SEMA3C: variants seen among roughly 807,000 people sequenced by gnomAD.
SEMA3C encodes the protein semaphorin 3C, also known as semaphorin-3C.
A neutral mutation model predicts 89.4 loss-of-function variants in SEMA3C; 47 were observed. The ratio of observed to expected loss-of-function variants is 0.53; its 90% CI spans 0.42 to 0.67. SEMA3C has a LOEUF of 0.67. Among genes scored for constraint, SEMA3C ranks in the 30% least tolerant of loss-of-function variants. SEMA3C has a pLI of 0.00. For missense variants in SEMA3C, 839 were observed against 929.1 expected (o/e 0.90, Z 1.26); for synonymous variants, 310 against 320.2 (o/e 0.97, Z 0.34).
At chr7:80,787,390 T>TA (rs1179102219) in intron 12 of SEMA3C, among the ~76,000 whole-genome samples, 2,668 of 99,790 alleles carry the variant, frequency 0.027, 62 homozygotes, top group African/African-American at 0.055. Context: ...AGACTCCGTT[T>TA]AAAAAAAAAA....
chr7:80,844,443 T>C (rs1180671903), intron 2 of SEMA3C, among the ~76,000 whole-genome samples: 1 of 152,144 alleles, frequency 6.6e-6, no homozygotes, highest in Non-Finnish European at 1.5e-5. Context: ...GGCCCTGAGC[T>C]TGACACTTAC....
At chr7:80,872,152 TTTG>T (rs1345700057) in intron 2 of SEMA3C, among the ~76,000 whole-genome samples, 2 of 151,910 alleles carry the variant, frequency 1.3e-5, no homozygotes, top group Admixed American at 6.6e-5. Context: ...AGAATCTCCT[TTTG>T]TTGTTGTTGT....
intron 2 of SEMA3C, among the ~76,000 whole-genome samples, chr7:80,894,910 T>TA (rs1426041394): frequency 1.3e-5 from 2 of 152,198 alleles, no homozygotes; most frequent in Non-Finnish European, 2.9e-5. Context: ...CGCTGCCTAG[T>TA]AGCCAAGATT....
At chr7:80,911,620 T>TC in intron 2 of SEMA3C, among the ~76,000 whole-genome samples, 1 of 151,792 alleles carries the variant, frequency 6.6e-6, no homozygotes, top group East Asian at 1.9e-4. Context: ...TAGGACCTTT[T>TC]TTTTTTTTTT....
chr7:80,872,049 G>A (rs1404174245), intron 2 of SEMA3C, among the ~76,000 whole-genome samples: 1 of 152,130 alleles, frequency 6.6e-6, no homozygotes, highest in Admixed American at 6.5e-5. Context: ...TGCATGATCA[G>A]TTTCATATTC....
chr7:80,861,141 G>T (rs910339894), intron 2 of SEMA3C, among the ~76,000 whole-genome samples: 1 of 151,756 alleles, frequency 6.6e-6, no homozygotes, highest in Non-Finnish European at 1.5e-5. Flanking sequence ...AGTATAAAAC[G>T]CATGAAAAAA....
chr7:80,754,957 G>GTTTTTTTTTTGTTTTTTTTTGTT (rs1449995090), intron 15 of SEMA3C, among the ~76,000 whole-genome samples: 1 of 108,382 alleles, frequency 9.2e-6, no homozygotes, highest in African/African-American at 3.5e-5. Flanking sequence ...GTTTTTTTTT[G>GTTTTTTTTTTGTTTTTTTTTGTT]TTTTTTTTTT....
At chr7:80,834,573 T>C (rs954200070) in intron 2 of SEMA3C, among the ~76,000 whole-genome samples, 1 of 152,196 alleles carries the variant, frequency 6.6e-6, no homozygotes, top group Non-Finnish European at 1.5e-5. Flanking sequence ...CAAACGTTTG[T>C]TCTCTGTTAA....
chr7:80,772,262 C>T (rs1005590821), intron 12 of SEMA3C, among the ~76,000 whole-genome samples: 2 of 152,152 alleles, frequency 1.3e-5, no homozygotes, highest in East Asian at 1.9e-4. Flanking sequence ...CAAACTGCTG[C>T]TAAAATCTTT....
chr7:80,830,250 C>T (rs1025486724), intron 2 of SEMA3C, among the ~76,000 whole-genome samples: 1 of 152,162 alleles, frequency 6.6e-6, no homozygotes, highest in Admixed American at 6.5e-5. Flanking sequence ...GTTACTTAAC[C>T]TCTCTGTGCT....
At chr7:80,864,263 G>A (rs60547338) in intron 2 of SEMA3C, among the ~76,000 whole-genome samples, 2,665 of 151,404 alleles carry the variant, frequency 0.018, 85 homozygotes, top group African/African-American at 0.06. Context: ...GAGCGGGTGA[G>A]GGATAAAAGA....
chr7:80,752,350 G>A (rs6943273), intron 15 of SEMA3C, among the ~76,000 whole-genome samples: 59,072 of 151,768 alleles, frequency 0.39, 12,017 homozygotes, highest in Non-Finnish European at 0.46. Flanking sequence ...GGTGGCTCAC[G>A]CCTGTAATCC....
intron 5 of SEMA3C, among the ~76,000 whole-genome samples, chr7:80,814,377 C>T (rs982327846): frequency 3.3e-5 from 5 of 152,026 alleles, no homozygotes; most frequent in African/African-American, 4.8e-5. Context: ...CGTGAGCCAC[C>T]GCGCCCAGCC....
chr7:80,801,358 G>C (rs1789203244), intron 9 of SEMA3C, among the ~76,000 whole-genome samples: 1 of 152,054 alleles, frequency 6.6e-6, no homozygotes, highest in African/African-American at 2.4e-5. Context: ...ACTTTTTGTG[G>C]CATATGGTCA....
intron 2 of SEMA3C, among the ~76,000 whole-genome samples, chr7:80,860,890 T>G (rs1324089794): frequency 6.6e-6 from 1 of 152,172 alleles, no homozygotes; most frequent in Non-Finnish European, 1.5e-5. Flanking sequence ...TGTAGTTACC[T>G]TCGAAGCATA....
rs780059565 is a variant in SEMA3C, at chr7:80,804,156, TGTCA to T, written c.747_750del (p.Asp250IlefsTer11). On this transcript the variant is annotated frameshift_variant, in exon 8 of 18. Transcript: ENST00000265361. LOFTEE classifies it high-confidence loss of function. ...TGAATCTGTTTCGTGCTCCTGTTAT[TGTCA>T]GTCAGTTTTTCTTTGAAGAAGAAGT... The T allele has an allele frequency of 1.2e-6, 2 of 1,613,016 alleles. No individual in the cohort carries two copies. Among genetic ancestry groups the T allele is most frequent in the Non-Finnish European group, 1.7e-6 (2 of 1,179,320 alleles).
intron 2 of SEMA3C, among the ~76,000 whole-genome samples, chr7:80,890,912 C>T (rs1192672619): frequency 6.6e-6 from 1 of 152,138 alleles, no homozygotes; most frequent in Non-Finnish European, 1.5e-5. Context: ...GAAGCATATG[C>T]ACATGTTATC....
Position 80,908,496 on chromosome 7 carries a change from C to T in SEMA3C, c.103+8183G>A, listed in dbSNP as rs144647064. Among the ~76,000 whole-genome samples the T allele has an allele frequency of 2.0e-3, 304 of 152,312 alleles. 1 individual carries two copies. Among genetic ancestry groups the T allele is most frequent in the African/African-American group, 6.9e-3 (285 of 41,562 alleles). On this transcript the variant is annotated intron_variant, in intron 2 of 17. Coordinates refer to ENST00000265361, the MANE Select transcript of SEMA3C (RefSeq NM_006379.5). ...TGAGATTCTGCTCGCTCTTTGGCAA[C>T]TGACGCTAACTATAGTAACACTAGC...
At chr7:80,916,397 C>T (rs188085913) in intron 2 of SEMA3C, among the ~76,000 whole-genome samples, 1 of 152,128 alleles carries the variant, frequency 6.6e-6, no homozygotes, top group Non-Finnish European at 1.5e-5. Context: ...GCTTTGAGCT[C>T]GTGCCCATCT....
Sources: gnomAD v4.1 joint callset for allele counts (sites outside exome capture counted in the v4.1 genomes callset) on GRCh38, gnomAD v4.1.1 for gene constraint, MANE v1.5 for transcripts, NCBI Gene and HGNC (gene_info 2026-07-23, HGNC 2026-07-21) for gene names.